SEC24D: variants seen among roughly 807,000 people sequenced by gnomAD.
SEC24D encodes SEC24 homolog D, COPII component.
SEC24D carries 69 observed loss-of-function variants against 116.9 expected under a neutral mutation model. The observed-to-expected ratio is 0.59, with a 90% CI of 0.49 to 0.72. The LOEUF is 0.72. SEC24D is among the 30% of genes least tolerant of loss of function. SEC24D has a pLI of 0.00. For synonymous variants in SEC24D, 405 were observed against 442.8 expected (o/e 0.91, Z 1.07); for missense variants, 1,131 against 1,264.1 (o/e 0.89, Z 1.60).
chr4:118,764,946 AT>A, intron 9 of SEC24D, 29 bp from the exon 10 acceptor site: 1 of 1,293,034 alleles, frequency 7.7e-7, no homozygotes, highest in Non-Finnish European at 1.1e-6. Flanking sequence ...GAAAGAAAAT[AT>A]TTTGTTTTCA....
intron 2 of SEC24D, among the ~76,000 whole-genome samples, chr4:118,827,939 G>GT (rs539498992): frequency 9.7e-4 from 147 of 152,052 alleles, no homozygotes; most frequent in African/African-American, 3.1e-3. Context: ...AAAGCCATTT[G>GT]TTGGGGGGGG....
In SEC24D at chr4:118,805,950, T is replaced by C; in HGVS notation, c.806A>G (p.Gln269Arg). 1 of 1,594,426 alleles carries C rather than the reference T, an allele frequency of 6.3e-7. No individual in the cohort carries two copies. The change falls in exon 7 of 23, where the codon CAG becomes CGG. Residue 269 changes from glutamine to arginine, a missense_variant. Gln to Arg is a conservative substitution (Grantham distance 43). Coordinates refer to ENST00000280551, the MANE Select transcript of SEC24D (RefSeq NM_014822.4). ...GCTGGCTCTATCATTCTCAATCACC[T>C]GGATCTGATAAATAAGACATCAAGA... The part of the protein sequence containing the change: ...LDPDSIPSPI[Q>R]VIENDRASRG...
chr4:118,804,758 A>C (rs1329100320), intron 7 of SEC24D, among the ~76,000 whole-genome samples: 1 of 152,130 alleles, frequency 6.6e-6, no homozygotes, highest in Non-Finnish European at 1.5e-5. Context: ...AATTATTTTT[A>C]GAATAATAAA....
rs556665248 is a variant in SEC24D, at chr4:118,814,165, A to G, written c.801+863T>C. The stretch of plus-strand genomic sequence containing the variant: ...CAAAAGGATTTTACATCCCAATGCC[A>G]TAAGATTGGCAGCTTCCCTGTCTCA... On this transcript the variant is annotated intron_variant, in intron 6 of 22. Coordinates refer to ENST00000280551, the MANE Select transcript of SEC24D (RefSeq NM_014822.4). Among the ~76,000 whole-genome samples, 10 of 152,346 alleles carry G rather than the reference A, an allele frequency of 6.6e-5. 1 individual carries two copies. The highest frequency in any genetic ancestry group is 6.2e-4 in the South Asian group (3 of 4,832).
intron 22 of SEC24D, 42 bp from the exon 23 acceptor site, chr4:118,723,697 A>C (rs761559196): frequency 1.3e-6 from 2 of 1,580,656 alleles, no homozygotes; most frequent in Non-Finnish European, 1.7e-6. Flanking sequence ...CCTGGTTATA[A>C]ACATTATTTG....
chr4:118,740,616 C>T (rs576244612), intron 17 of SEC24D, 47 bp downstream of exon 17: 24 of 1,597,976 alleles, frequency 1.5e-5, no homozygotes, highest in Admixed American at 5.1e-5. Flanking sequence ...TGATCATTGT[C>T]GGCAACAAAC....
chr4:118,811,713 C>T (rs188094532), intron 6 of SEC24D, among the ~76,000 whole-genome samples: 3 of 152,288 alleles, frequency 2.0e-5, no homozygotes, highest in African/African-American at 4.8e-5. Flanking sequence ...AAAACCATTA[C>T]TTAAAATAAA....
chr4:118,747,670 G>A (rs1375058990), intron 13 of SEC24D, among the ~76,000 whole-genome samples: 1 of 151,908 alleles, frequency 6.6e-6, no homozygotes, highest in East Asian at 1.9e-4. Flanking sequence ...TTTCTTGCCT[G>A]GCCCACCCAA....
chr4:118,730,986 A>C lies in SEC24D; in HGVS notation c.2868+330T>G, dbSNP rs148379339. On this transcript the variant is annotated intron_variant, in intron 21 of 22. Coordinates refer to ENST00000280551, the MANE Select transcript of SEC24D (RefSeq NM_014822.4). ...CAACTGATTCCTCTGTAAAATGTTG[A>C]GACCATATCCATCTCACTGATTTGT... The C allele has an allele frequency of 3.2e-3, 956 of 302,372 alleles. 7 individuals are homozygous for C. Among genetic ancestry groups the C allele is most frequent in the Middle Eastern group, 4.8e-3 (4 of 836 alleles). 18.7% of individuals were successfully genotyped at this position (302,372 alleles called of 1,614,324 possible). A position where few individuals can be genotyped will look rare whatever the true frequency, so the allele number is the denominator to read the frequency against.
intron 8 of SEC24D, among the ~76,000 whole-genome samples, chr4:118,776,464 A>G (rs961361299): frequency 6.6e-6 from 1 of 152,162 alleles, no homozygotes; most frequent in Admixed American, 6.6e-5. Flanking sequence ...AATAAATACC[A>G]ATGCAGTTAA....
intron 6 of SEC24D, among the ~76,000 whole-genome samples, chr4:118,806,698 T>A (rs1265292501): frequency 6.6e-6 from 1 of 151,744 alleles, no homozygotes; most frequent in East Asian, 1.9e-4. Context: ...TTAAAGGAAA[T>A]ACTGGCCTGG....
At chr4:118,825,159 G>A (rs748328291) in intron 2 of SEC24D, among the ~76,000 whole-genome samples, 5 of 152,156 alleles carry the variant, frequency 3.3e-5, no homozygotes, top group African/African-American at 7.2e-5. Flanking sequence ...GTAACTAAAC[G>A]GGGCATGGGG....
chr4:118,831,488 G>A (rs968133694), intron 2 of SEC24D, among the ~76,000 whole-genome samples: 3 of 152,136 alleles, frequency 2.0e-5, no homozygotes, highest in Non-Finnish European at 4.4e-5. Context: ...ACAAAGGTGG[G>A]CAACTGGAAA....
intron 8 of SEC24D, among the ~76,000 whole-genome samples, chr4:118,771,761 T>TA (rs960817222): frequency 6.6e-6 from 1 of 152,238 alleles, no homozygotes. Flanking sequence ...AGTAAAATTT[T>TA]AAAAGTCTTC....
intron 10 of SEC24D, among the ~76,000 whole-genome samples, chr4:118,763,922 A>T (rs2110469245): frequency 6.6e-6 from 1 of 152,346 alleles, no homozygotes; most frequent in South Asian, 2.1e-4. Flanking sequence ...TATAGTAAAT[A>T]ATTACCATGA....
chr4:118,763,013 C>G (rs1458576218), intron 10 of SEC24D, among the ~76,000 whole-genome samples: 1 of 152,128 alleles, frequency 6.6e-6, no homozygotes, highest in Non-Finnish European at 1.5e-5. Context: ...TTGCAAAGAT[C>G]GGCAAATAAA....
At position 118,740,696 on chromosome 4, in the gene SEC24D, G is replaced by A; in HGVS notation, c.2205C>T (p.Asp735=). The A allele has an allele frequency of 6.2e-7, 1 of 1,613,874 alleles. No individual in the cohort carries two copies. The highest frequency in any genetic ancestry group is 2.2e-5 in the East Asian group (1 of 44,866). Residue 735 remains aspartate (D), a synonymous_variant, in exon 17 of 23, where the codon GAC becomes GAT. Transcript: ENST00000280551. ...AGGCTCCACTGTCTTCACTGAGTTT[G>A]TCATCGTGCTTGAACTCCACGGTCA... The part of the protein sequence containing the change: ...KAVTVEFKHD[D]KLSEDSGALI...
At chr4:118,774,410 G>C (rs559094691) in intron 8 of SEC24D, among the ~76,000 whole-genome samples, 1 of 152,096 alleles carries the variant, frequency 6.6e-6, no homozygotes, top group Non-Finnish European at 1.5e-5. Flanking sequence ...GTCACTTGTA[G>C]TTTAAAATGT....
intron 8 of SEC24D, among the ~76,000 whole-genome samples, chr4:118,792,597 C>T (rs933360432): frequency 6.6e-6 from 1 of 152,168 alleles, no homozygotes. Context: ...TTATCCCCAA[C>T]CCCGTGCTCT....
Sources: allele counts gnomAD v4.1 joint callset (sites outside exome capture counted in the v4.1 genomes callset), GRCh38; gene constraint gnomAD v4.1.1; transcripts MANE v1.5; gene names NCBI Gene and HGNC (gene_info 2026-07-23, HGNC 2026-07-21).